Variants in CLEC16A observed in about 807,000 individuals in gnomAD.
The protein encoded by CLEC16A is protein CLEC16A.
CLEC16A carries 51 observed loss-of-function variants against 109.5 expected under a neutral mutation model. That is an observed-to-expected ratio of 0.47 (90% confidence interval 0.37 to 0.59). The LOEUF is 0.59. Ranked by LOEUF, CLEC16A falls within the 20% of genes least tolerant of loss-of-function variation. The probability of loss-of-function intolerance (pLI) is 0.00; values close to 1 mark genes in which losing one functional copy is unlikely to be tolerated. For synonymous variants in CLEC16A, 673 were observed against 564.2 expected, an observed-to-expected ratio of 1.19 and a Z score of -2.73; for missense variants, 1,339 against 1,394.0, an observed-to-expected ratio of 0.96 and a Z score of 0.63.
chr16:11,082,459 G>A lies in CLEC16A; in HGVS notation c.2116+21437G>A, dbSNP rs545811735. ...AGCCCACCCCAAATCTTGATGCTGG[G>A]TGACACCAAAGACAGGAACTCTTTT... On this transcript the variant is annotated intron_variant, in intron 19 of 23. Transcript: ENST00000409790. Among the ~76,000 whole-genome samples, 73 of 152,318 alleles carry A rather than the reference G, an allele frequency of 4.8e-4. 1 individual carries two copies. The highest frequency in any genetic ancestry group is 9.1e-4 in the Non-Finnish European group (62 of 68,020).
At chr16:11,073,490 A>G (rs896006556) in intron 19 of CLEC16A, among the ~76,000 whole-genome samples, 1 of 151,920 alleles carries the variant, frequency 6.6e-6, no homozygotes, top group Non-Finnish European at 1.5e-5. Flanking sequence ...TGCTTCATCC[A>G]TCCTGATGCC....
At chr16:11,053,071 T>C (rs1370655790) in intron 18 of CLEC16A, among the ~76,000 whole-genome samples, 2 of 152,058 alleles carry the variant, frequency 1.3e-5, no homozygotes, top group African/African-American at 2.4e-5. Context: ...TTAGATGTTT[T>C]ATAGAGATGA....
chr16:10,969,317 A>T lies in CLEC16A; in HGVS notation c.492+8A>T, dbSNP rs777008539. ...CATTTCTTTTATAATGAGGTAAGTA[A>T]TTGCCAGAGGGGCACGTGTGGGTGT... On this transcript the variant is annotated splice_region_variant and intron_variant, in intron 4 of 23. Transcript: ENST00000409790. 48 of 1,593,096 alleles carry T rather than the reference A, an allele frequency of 3.0e-5. No homozygotes were observed. The Admixed American group carries it at 6.8e-4, about 22-fold the overall frequency.
chr16:11,046,743 C>G (rs1039829832), intron 16 of CLEC16A, among the ~76,000 whole-genome samples: 16 of 152,178 alleles, frequency 1.1e-4, no homozygotes, highest in African/African-American at 3.6e-4. Flanking sequence ...AGACTATGCC[C>G]ACCGTGCTGT....
At chr16:10,990,860 C>T (rs1353898116) in intron 10 of CLEC16A, among the ~76,000 whole-genome samples, 1 of 152,222 alleles carries the variant, frequency 6.6e-6, no homozygotes, top group Non-Finnish European at 1.5e-5. Flanking sequence ...CACTTCTGGC[C>T]TCTGTCCCCT....
intron 21 of CLEC16A, among the ~76,000 whole-genome samples, chr16:11,125,666 G>T (rs958972687): frequency 1.3e-5 from 2 of 152,220 alleles, no homozygotes; most frequent in Non-Finnish European, 2.9e-5. Flanking sequence ...TTTACACATG[G>T]AAGCTGAGAA....
Position 11,026,080 on chromosome 16 carries a change from A to T in CLEC16A, c.1537+1159A>T, listed in dbSNP as rs74986106. ...TTTTTTATCAATGTGTGAGCAAATC[A>T]TAGATATTAAGGATTTTTGCATCTA... On this transcript the variant is annotated intron_variant, in intron 13 of 23. Coordinates refer to ENST00000409790, the MANE Select transcript of CLEC16A (RefSeq NM_015226.3). Among the ~76,000 whole-genome samples the T allele has an allele frequency of 2.7e-3, 417 of 152,312 alleles. 3 individuals are homozygous for T. Among genetic ancestry groups the T allele is most frequent in the Non-Finnish European group, 4.3e-3 (295 of 68,026 alleles).
intron 19 of CLEC16A, among the ~76,000 whole-genome samples, chr16:11,091,743 A>G (rs1338101456): frequency 6.6e-6 from 1 of 152,192 alleles, no homozygotes; most frequent in African/African-American, 2.4e-5. Flanking sequence ...CCTGAAACAC[A>G]GCAGGCCTCT....
At chr16:10,986,730 AAT>A (rs1491312276) in intron 10 of CLEC16A, among the ~76,000 whole-genome samples, 46 of 116,850 alleles carry the variant, frequency 3.9e-4, no homozygotes, top group Middle Eastern at 4.1e-3. Flanking sequence ...TTTAAGGCTC[AAT>A]GTGTGTGTGT....
chr16:11,047,060 A>G (rs1030389965), intron 16 of CLEC16A, among the ~76,000 whole-genome samples: 3 of 152,028 alleles, frequency 2.0e-5, no homozygotes, highest in Non-Finnish European at 2.9e-5. Flanking sequence ...TTCTAACTCC[A>G]TATACTTAAA....
chr16:10,960,285 G>A (rs2042194187), intron 2 of CLEC16A, among the ~76,000 whole-genome samples: 1 of 152,026 alleles, frequency 6.6e-6, no homozygotes, highest in African/African-American at 2.4e-5. Flanking sequence ...ACATTTTGTT[G>A]TCGTATATCC....
chr16:10,961,804 CTGT>C lies in CLEC16A; in HGVS notation c.210-646_210-644del, dbSNP rs1168121763. 6.6e-6 allele frequency among the ~76,000 whole-genome samples: 1 copy of C among 152,082 alleles called. No individual in the cohort carries two copies. The highest frequency in any genetic ancestry group is 1.5e-5 in the Non-Finnish European group (1 of 68,008). On this transcript the variant is annotated intron_variant, in intron 2 of 23. Transcript: ENST00000409790. The surrounding 1 kb of genome is among the most constrained non-coding windows in gnomAD (Gnocchi z 4.3). ...TGTTCCGTGACTCTTTTTTAGTCTT[CTGT>C]TGTTTTTACGACCCTGAAAGTTTTG...
intron 13 of CLEC16A, among the ~76,000 whole-genome samples, chr16:11,038,374 A>G (rs1005052036): frequency 6.6e-6 from 1 of 152,174 alleles, no homozygotes; most frequent in South Asian, 2.1e-4. Context: ...AAGCGCAAAT[A>G]ATCCATTCAG....
chr16:10,949,314 C>T (rs941355454), intron 1 of CLEC16A, among the ~76,000 whole-genome samples: 2 of 152,108 alleles, frequency 1.3e-5, no homozygotes, highest in East Asian at 1.9e-4. Context: ...CACTATGTCA[C>T]GTCTAAGTTC....
At chr16:11,132,294 A>G (rs1025270341) in intron 22 of CLEC16A, among the ~76,000 whole-genome samples, 1 of 132,032 alleles carries the variant, frequency 7.6e-6, no homozygotes, top group South Asian at 2.5e-4. Context: ...TTCTGTCTCT[A>G]TAGATTTACG....
At chr16:11,042,846 GCA>G (rs540570135) in intron 15 of CLEC16A, among the ~76,000 whole-genome samples, 16 of 149,872 alleles carry the variant, frequency 1.1e-4, no homozygotes, top group Non-Finnish European at 2.1e-4. Context: ...CTGTGTCTGT[GCA>G]CACACACACA....
chr16:11,176,225 C>T (rs2068740681), intron 23 of CLEC16A, among the ~76,000 whole-genome samples: 1 of 152,268 alleles, frequency 6.6e-6, no homozygotes, highest in Non-Finnish European at 1.5e-5. Flanking sequence ...GCCATCCTTA[C>T]TGAATGGAGC....
chr16:11,007,728 G>A (rs1025202048), intron 11 of CLEC16A, among the ~76,000 whole-genome samples: 3 of 152,278 alleles, frequency 2.0e-5, no homozygotes, highest in Non-Finnish European at 2.9e-5. Context: ...TGTGGGACCC[G>A]TTTCTCTGTT....
chr16:11,087,959 T>G (rs1247293936), intron 19 of CLEC16A, among the ~76,000 whole-genome samples: 17 of 152,224 alleles, frequency 1.1e-4, no homozygotes, highest in Admixed American at 1.1e-3. Context: ...ACCTGGGAGC[T>G]CTTGGGACAA....
Sources: gnomAD v4.1 joint callset for allele counts (sites outside exome capture counted in the v4.1 genomes callset) on GRCh38, gnomAD v4.1.1 for gene constraint, Gnocchi (gnomAD v3.1) non-coding constraint, MANE v1.5 for transcripts, NCBI Gene and HGNC (gene_info 2026-07-23, HGNC 2026-07-21) for gene names.